Variants in DGKB observed in about 807,000 individuals in gnomAD.
The protein encoded by DGKB is 90 kDa diacylglycerol kinase.
Under a neutral mutation model 114.3 loss-of-function variants are expected in DGKB, and 67 were observed. That is an observed-to-expected ratio of 0.59 (90% CI 0.48 to 0.72). The LOEUF (loss-of-function observed/expected upper bound fraction) is 0.72. Ranked by LOEUF, DGKB falls within the 30% of genes least tolerant of loss-of-function variation. The pLI is 0.00. For synonymous variants in DGKB, 398 were observed against 323.1 expected (o/e 1.23, Z -2.49); for missense variants, 907 against 975.2 (o/e 0.93, Z 0.93).
At position 14,183,843 on chromosome 7, in the gene DGKB, C is replaced by A. The variant is rs117881059; in HGVS notation, c.2123-5692G>T. On this transcript the variant is annotated intron_variant, in intron 23 of 25. Transcript: ENST00000402815. ...GATTGCAGCTCCAGACAGAGCAGCT[C>A]GCATTGTAAATTTTAGCTCAATAGA... Among the ~76,000 whole-genome samples, 45 of 152,258 alleles carry A rather than the reference C, an allele frequency of 3.0e-4. No homozygotes were observed. The East Asian group carries it at 6.8e-3, about 23-fold the overall frequency.
intron 12 of DGKB, among the ~76,000 whole-genome samples, chr7:14,675,136 T>C (rs1401216882): frequency 6.6e-6 from 1 of 152,006 alleles, no homozygotes; most frequent in Non-Finnish European, 1.5e-5. Context: ...AGATCTGAGA[T>C]AAAAACCTAT....
At chr7:14,735,982 G>T in intron 5 of DGKB, 59 bp downstream of exon 5, 1 of 1,008,582 alleles carries the variant, frequency 9.9e-7, no homozygotes, top group Non-Finnish European at 1.4e-6. Context: ...ATGATAACTA[G>T]ATATTTATTT....
chr7:14,427,088 C>T (rs1011523716), intron 21 of DGKB, among the ~76,000 whole-genome samples: 10 of 151,734 alleles, frequency 6.6e-5, no homozygotes. Flanking sequence ...CACACTGGGG[C>T]CTGTCAGGGA....
chr7:14,307,265 A>G (rs1804638014), intron 23 of DGKB, among the ~76,000 whole-genome samples: 1 of 144,990 alleles, frequency 6.9e-6, no homozygotes. Context: ...TCTAATTTCT[A>G]AAACAAAAGA....
chr7:14,332,989 T>C (rs1809989769), intron 23 of DGKB, among the ~76,000 whole-genome samples: 1 of 152,186 alleles, frequency 6.6e-6, no homozygotes, highest in African/African-American at 2.4e-5. Context: ...TGTTTGAAAC[T>C]CCATAATTTG....
chr7:14,488,430 C>T (rs918734053), intron 20 of DGKB, among the ~76,000 whole-genome samples: 7 of 151,990 alleles, frequency 4.6e-5, no homozygotes, highest in Non-Finnish European at 1.0e-4. Flanking sequence ...GATTAAAATG[C>T]TCCCTTAAAT....
At chr7:14,272,336 C>A (rs1328818392) in intron 23 of DGKB, among the ~76,000 whole-genome samples, 1 of 152,008 alleles carries the variant, frequency 6.6e-6, no homozygotes, top group Non-Finnish European at 1.5e-5. Context: ...TTGAAAAATT[C>A]TACACAAATG....
At chr7:14,589,302 A>C (rs1801292855) in intron 17 of DGKB, among the ~76,000 whole-genome samples, 1 of 151,614 alleles carries the variant, frequency 6.6e-6, no homozygotes, top group Non-Finnish European at 1.5e-5. Flanking sequence ...ATACATTTGG[A>C]TTTCTATGTA....
In DGKB at chr7:14,823,639, A is replaced by G. The variant is rs149629170; in HGVS notation, c.70+17555T>C. On this transcript the variant is annotated intron_variant, in intron 2 of 25. Coordinates refer to ENST00000402815, the MANE Select transcript of DGKB (RefSeq NM_001350709.2). The stretch of plus-strand genomic sequence containing the variant: ...GGAAAAAGAAAAAAACAATGTTTAG[A>G]ATTTGTTACCCCAAACAAAATAACA... Among the ~76,000 whole-genome samples the G allele has an allele frequency of 3.5e-4, 54 of 152,304 alleles. No homozygotes were observed. The East Asian group carries it at 0.01, about 28-fold the overall frequency.
At chr7:14,186,283 T>G (rs1231286905) in intron 23 of DGKB, among the ~76,000 whole-genome samples, 2 of 152,178 alleles carry the variant, frequency 1.3e-5, no homozygotes, top group Non-Finnish European at 2.9e-5. Flanking sequence ...TTACTAATGA[T>G]CAGGAAATGC....
chr7:14,727,471 A>C (rs1268963833), intron 5 of DGKB, among the ~76,000 whole-genome samples: 1 of 152,178 alleles, frequency 6.6e-6, no homozygotes, highest in African/African-American at 2.4e-5. Context: ...TAGAAGTATG[A>C]ATTCAATACT....
At chr7:14,611,060 C>T (rs1199928204) in intron 16 of DGKB, among the ~76,000 whole-genome samples, 2 of 152,086 alleles carry the variant, frequency 1.3e-5, no homozygotes, top group Non-Finnish European at 2.9e-5. Context: ...GGTTGACACC[C>T]TGCCATTTCA....
intron 4 of DGKB, among the ~76,000 whole-genome samples, chr7:14,737,623 A>G (rs1210563372): frequency 6.6e-6 from 1 of 152,156 alleles, no homozygotes; most frequent in East Asian, 1.9e-4. Context: ...AGGCAATAAA[A>G]CCAAACACTT....
intron 23 of DGKB, among the ~76,000 whole-genome samples, chr7:14,204,889 G>A (rs6949500): frequency 0.3 from 45,156 of 151,912 alleles, 8,942 homozygotes; most frequent in African/African-American, 0.54. Flanking sequence ...ATCAGGGAAT[G>A]TATTTTTATT....
intron 6 of DGKB, among the ~76,000 whole-genome samples, chr7:14,704,505 A>C (rs1402909560): frequency 6.6e-6 from 1 of 151,812 alleles, no homozygotes; most frequent in East Asian, 1.9e-4. Context: ...ATGGCCGAAT[A>C]GGAACAGCTC....
upstream of DGKB, among the ~76,000 whole-genome samples, chr7:14,904,958 C>T (rs1175934855): frequency 1.3e-5 from 2 of 152,156 alleles, no homozygotes; most frequent in Non-Finnish European, 2.9e-5. Context: ...CCCTGCTCAA[C>T]AAATTCATCC....
intron 1 of DGKB, among the ~76,000 whole-genome samples, chr7:14,946,636 A>G (rs1313123227): frequency 2.0e-5 from 3 of 151,734 alleles, no homozygotes; most frequent in African/African-American, 7.3e-5. Context: ...TTGCACCACA[A>G]AGGAATCTGT....
chr7:14,574,152 G>C, intron 20 of DGKB, 60 bp downstream of exon 20: 1 of 1,334,242 alleles, frequency 7.5e-7, no homozygotes, highest in Non-Finnish European at 1.0e-6. Context: ...TAGTTTAAAA[G>C]TTTTCTCACT....
chr7:14,200,687 G>C (rs1785727038), intron 23 of DGKB, among the ~76,000 whole-genome samples: 1 of 151,944 alleles, frequency 6.6e-6, no homozygotes, highest in Non-Finnish European at 1.5e-5. Context: ...ATGTATGCCA[G>C]GTACTCTGGA....
Sources: allele counts gnomAD v4.1 joint callset (sites outside exome capture counted in the v4.1 genomes callset), GRCh38; gene constraint gnomAD v4.1.1; transcripts MANE v1.5; gene names NCBI Gene and HGNC (gene_info 2026-07-23, HGNC 2026-07-21).